The following SP1 variants were observed in gnomAD, a reference collection of about 807,000 sequenced individuals.
SP1 encodes the protein transcription factor Sp1.
Under a neutral mutation model 66.3 loss-of-function variants are expected in SP1, and 6 were observed. That is an observed-to-expected ratio of 0.09 (90% CI 0.05 to 0.18). The LOEUF (loss-of-function observed/expected upper bound fraction) is 0.18, where lower values mean the gene tolerates loss of function less well. SP1 is among the 10% of genes least tolerant of loss of function. The pLI is 1.00. For missense variants in SP1, 848 were observed against 964.5 expected (o/e 0.88, Z 1.60); for synonymous variants, 417 against 360.8 (o/e 1.16, Z -1.77).
In SP1 at chr12:53,380,268, T is replaced by C; in HGVS notation, c.-24T>C. On this transcript the variant is annotated 5_prime_UTR_variant, in exon 1 of 6. Coordinates refer to ENST00000327443, the MANE Select transcript of SP1 (RefSeq NM_138473.3). ...CCAACCCCCCCGGACAGGACCCCCT[T>C]GAGCTTGTCCCTCAGCTGCCACCAT... 2.3e-6 allele frequency: 2 copies of C among 879,634 alleles called. No individual in the cohort carries two copies. The highest frequency in any genetic ancestry group is 3.6e-6 in the Non-Finnish European group (2 of 561,702). The allele number at this position is 879,634 out of a possible 1,614,324, so 54.5% of individuals were successfully genotyped here.
intron 3 of SP1, among the ~76,000 whole-genome samples, chr12:53,393,177 A>G (rs1490122039): frequency 6.6e-6 from 1 of 151,218 alleles, no homozygotes; most frequent in Non-Finnish European, 1.5e-5. Context: ...TTAGGCAGGT[A>G]GTGGCTCAAG....
chr12:53,384,784 A>C (rs920170071), intron 3 of SP1, among the ~76,000 whole-genome samples: 1 of 152,018 alleles, frequency 6.6e-6, no homozygotes, highest in African/African-American at 2.4e-5. Flanking sequence ...CAGGAGTTCA[A>C]GACCGGCTGG....
rs1479833651 is a variant in SP1, at chr12:53,383,059, A to T, written c.1112A>T (p.Gln371Leu). The T allele has an allele frequency of 6.2e-7, 1 of 1,614,218 alleles. No individual in the cohort carries two copies. Among genetic ancestry groups the T allele is most frequent in the Admixed American group, 1.7e-5 (1 of 60,016 alleles). The change falls in exon 3 of 6, where the codon CAG becomes CTG. Residue 371 changes from glutamine (Q) to leucine (L), a missense_variant. Gln to Leu is a moderately radical substitution (Grantham distance 113). This residue lies in a region of SP1 where 606 missense variants were observed against 589.9 expected (regional missense o/e 1.03). Coordinates refer to ENST00000327443, the MANE Select transcript of SP1 (RefSeq NM_138473.3). ...GLQGSDALNI[Q>L]QNQTSGGSLQ... ...CAGGGGTCTGATGCTCTGAACATCCAGCAAAACCAGACATCTGGAGGCTCA... is the reference window on the plus strand; with the variant it reads ...CAGGGGTCTGATGCTCTGAACATCCTGCAAAACCAGACATCTGGAGGCTCA...
Position 53,382,577 on chromosome 12 carries a change from A to G in SP1, c.630A>G (p.Ala210=). ...GTCAAATACAGATCATACCAGGTGC[A>G]AACCAACAGATTATCACAAATCGAG... is the stretch of plus-strand genomic sequence containing the variant. The part of the protein sequence containing the change: ...GSGQIQIIPG[A]NQQIITNRGS... The change falls in exon 3 of 6, where the codon GCA becomes GCG. Residue 210 remains alanine, a synonymous_variant. Coordinates refer to ENST00000327443, the MANE Select transcript of SP1 (RefSeq NM_138473.3). The G allele has an allele frequency of 2.5e-6, 4 of 1,614,194 alleles. No homozygotes were observed. The highest frequency in any genetic ancestry group is 3.4e-6 in the Non-Finnish European group (4 of 1,180,036).
intron 3 of SP1, among the ~76,000 whole-genome samples, chr12:53,396,467 C>T (rs1938492886): frequency 6.6e-6 from 1 of 151,944 alleles, no homozygotes; most frequent in Non-Finnish European, 1.5e-5. Context: ...ACTCAGGAGG[C>T]TGAGGCAAGA....
intron 3 of SP1, among the ~76,000 whole-genome samples, chr12:53,398,543 A>C (rs1378799140): frequency 6.6e-6 from 1 of 152,236 alleles, no homozygotes; most frequent in Non-Finnish European, 1.5e-5. Context: ...TTGGCCTCCC[A>C]AAGTGCTGGG....
chr12:53,411,403 G>A lies in SP1; in HGVS notation c.*163G>A. 1 of 582,780 alleles carries A rather than the reference G, an allele frequency of 1.7e-6. No individual in the cohort carries two copies. The highest frequency in any genetic ancestry group is 3.0e-6 in the Non-Finnish European group (1 of 336,954). 36.1% of individuals were successfully genotyped at this position (582,780 alleles called of 1,614,324 possible). ...ATACAAGAGAGGAGATGGGGTCCCGGCACCCATCTGTATCATCAGTGCCTC... is the reference window on the plus strand; with the variant it reads ...ATACAAGAGAGGAGATGGGGTCCCGACACCCATCTGTATCATCAGTGCCTC... On this transcript the variant is annotated 3_prime_UTR_variant, in exon 6 of 6. Coordinates refer to ENST00000327443, the MANE Select transcript of SP1 (RefSeq NM_138473.3).
chr12:53,394,700 C>T (rs1938441941), intron 3 of SP1, among the ~76,000 whole-genome samples: 1 of 145,874 alleles, frequency 6.9e-6, no homozygotes, highest in African/African-American at 2.6e-5. Flanking sequence ...CTGCAAGCTC[C>T]ACTTCCCGGG....
intron 3 of SP1, among the ~76,000 whole-genome samples, chr12:53,401,205 C>T (rs566089836): frequency 6.6e-6 from 1 of 151,990 alleles, no homozygotes; most frequent in African/African-American, 2.4e-5. Flanking sequence ...AATCCCAGCA[C>T]CTTGGCAGGC....
At chr12:53,384,814 GTCT>G (rs1415480881) in intron 3 of SP1, among the ~76,000 whole-genome samples, 2 of 151,158 alleles carry the variant, frequency 1.3e-5, no homozygotes, top group Admixed American at 6.6e-5. Flanking sequence ...GCGAAACCCT[GTCT>G]TCGACAAAAA....
intron 3 of SP1, among the ~76,000 whole-genome samples, chr12:53,404,479 T>C (rs906464412): frequency 4.0e-5 from 6 of 150,336 alleles, no homozygotes; most frequent in Non-Finnish European, 1.5e-5. Context: ...GAGGCGGAGG[T>C]TGCAATGAGT....
chr12:53,413,379 AGAT>A lies in SP1; in HGVS notation c.*2144_*2146del, dbSNP rs1477959492. 1 of 152,420 alleles carries A rather than the reference AGAT, an allele frequency of 6.6e-6. No homozygotes were observed. Among genetic ancestry groups the A allele is most frequent in the Non-Finnish European group, 1.5e-5 (1 of 68,050 alleles). 9.4% of individuals were successfully genotyped at this position (152,420 alleles called of 1,614,324 possible). On this transcript the variant is annotated 3_prime_UTR_variant, in exon 6 of 6. Coordinates refer to ENST00000327443, the MANE Select transcript of SP1 (RefSeq NM_138473.3). ...AAATCTTTTTACTTTGGCTACAAAT[AGAT>A]GATGGTATGATTCTATTATATATTT... is the stretch of plus-strand genomic sequence containing the variant.
At chr12:53,407,751 C>T (rs1938777032) in intron 4 of SP1, among the ~76,000 whole-genome samples, 1 of 151,934 alleles carries the variant, frequency 6.6e-6, no homozygotes, top group Non-Finnish European at 1.5e-5. Flanking sequence ...ATTCTCCTGC[C>T]TCAGCCTCCC....
intron 3 of SP1, among the ~76,000 whole-genome samples, chr12:53,401,991 G>A (rs893845863): frequency 1.3e-5 from 2 of 152,156 alleles, no homozygotes; most frequent in African/African-American, 4.8e-5. Flanking sequence ...TTATGAAGTT[G>A]ATAATTGGTC....
At chr12:53,394,841 C>T (rs748972294) in intron 3 of SP1, among the ~76,000 whole-genome samples, 1 of 151,582 alleles carries the variant, frequency 6.6e-6, no homozygotes, top group Non-Finnish European at 1.5e-5. Flanking sequence ...ATCTCAATCT[C>T]CTGACCTCGT....
chr12:53,397,434 C>T (rs1293797735), intron 3 of SP1, among the ~76,000 whole-genome samples: 2 of 150,768 alleles, frequency 1.3e-5, no homozygotes, highest in African/African-American at 4.9e-5. Context: ...TAATTTAAGA[C>T]ATCTAAACAC....
chr12:53,401,571 A>G (rs1213555680), intron 3 of SP1, among the ~76,000 whole-genome samples: 1 of 151,942 alleles, frequency 6.6e-6, no homozygotes, highest in Non-Finnish European at 1.5e-5. Flanking sequence ...GAAAATTTTG[A>G]TATGTTCATC....
intron 3 of SP1, among the ~76,000 whole-genome samples, chr12:53,396,600 A>G (rs1355369514): frequency 1.3e-5 from 2 of 152,078 alleles, no homozygotes; most frequent in East Asian, 3.9e-4. Flanking sequence ...AAAAACAGAT[A>G]AGGTTGCTGC....
intron 3 of SP1, among the ~76,000 whole-genome samples, chr12:53,397,843 T>C: frequency 6.6e-6 from 1 of 152,056 alleles, no homozygotes; most frequent in Admixed American, 6.6e-5. Context: ...CGTGAGCCAC[T>C]GCGCCCGACC....
Sources: allele counts gnomAD v4.1 joint callset (sites outside exome capture counted in the v4.1 genomes callset), GRCh38; gene constraint gnomAD v4.1.1; regional missense constraint gnomAD v4.1.1; transcripts MANE v1.5; gene names NCBI Gene and HGNC (gene_info 2026-07-23, HGNC 2026-07-21).